The following ACOXL variants were observed in gnomAD, a reference collection of about 807,000 sequenced individuals.
The protein encoded by ACOXL is acyl-CoA oxidase like, also known as acyl-coenzyme A oxidase-like protein.
ACOXL carries 70 observed loss-of-function variants against 71.9 expected under a neutral mutation model. That is an observed-to-expected ratio of 0.97 (90% CI 0.80 to 1.19). The LOEUF (loss-of-function observed/expected upper bound fraction) is 1.19. ACOXL is among the 50% of genes most tolerant of loss of function. The pLI, the probability that ACOXL is intolerant of heterozygous loss-of-function variation, is 0.00. For missense variants in ACOXL, 703 were observed against 736.3 expected (o/e 0.95, Z 0.52); for synonymous variants, 253 against 281.6 (o/e 0.90, Z 1.02).
chr2:110,781,890 A>G (rs552970387), intron 2 of ACOXL, among the ~76,000 whole-genome samples: 2 of 152,316 alleles, frequency 1.3e-5, no homozygotes, highest in Admixed American at 1.3e-4. Context: ...CTGTGAAAAC[A>G]TACATTTTTT....
At chr2:111,009,906 A>G (rs1433488828) in intron 14 of ACOXL, among the ~76,000 whole-genome samples, 1 of 152,236 alleles carries the variant, frequency 6.6e-6, no homozygotes, top group Admixed American at 6.5e-5. Context: ...AGGCAAGCCA[A>G]AATATATTCT....
chr2:111,017,655 T>C (rs2064524187), intron 14 of ACOXL, among the ~76,000 whole-genome samples: 1 of 152,200 alleles, frequency 6.6e-6, no homozygotes, highest in African/African-American at 2.4e-5. Context: ...GGGGCAGTGC[T>C]AACTCCAGCC....
chr2:110,852,520 C>T (rs1340208020), intron 10 of ACOXL, among the ~76,000 whole-genome samples: 1 of 152,196 alleles, frequency 6.6e-6, no homozygotes, highest in Non-Finnish European at 1.5e-5. Flanking sequence ...AATCTGCCTC[C>T]CTCAGTCACC....
chr2:110,751,298 CAAAAAAAAA>C (rs765632647), intron 1 of ACOXL, among the ~76,000 whole-genome samples: 1 of 44,012 alleles, frequency 2.3e-5, no homozygotes, highest in Non-Finnish European at 5.3e-5. Flanking sequence ...GACTCCGTCT[CAAAAAAAAA>C]AAAAAAAAAA....
chr2:111,083,498 T>C (rs1285393123), intron 16 of ACOXL, among the ~76,000 whole-genome samples: 10 of 151,994 alleles, frequency 6.6e-5, no homozygotes, highest in Admixed American at 3.9e-4. Flanking sequence ...CCAACAATGA[T>C]GTGTGATAAC....
intron 11 of ACOXL, among the ~76,000 whole-genome samples, chr2:110,921,479 C>T (rs1033348801): frequency 5.4e-5 from 8 of 148,178 alleles, no homozygotes; most frequent in African/African-American, 2.0e-4. Flanking sequence ...TTGCAAGCTC[C>T]ACTTCCCGGG....
chr2:111,062,592 C>T (rs1414875358), intron 16 of ACOXL, among the ~76,000 whole-genome samples: 1 of 151,822 alleles, frequency 6.6e-6, no homozygotes, highest in Non-Finnish European at 1.5e-5. Context: ...AATTTAAAAA[C>T]CTCAAAAGAA....
At chr2:110,808,226 T>C (rs1405287468) in intron 9 of ACOXL, among the ~76,000 whole-genome samples, 3 of 152,096 alleles carry the variant, frequency 2.0e-5, no homozygotes, top group African/African-American at 7.2e-5. Context: ...GAGTGAGAAG[T>C]GTAAATGAGG....
chr2:110,987,137 C>T lies in ACOXL; in HGVS notation c.1089C>T (p.Tyr363=). The change falls in exon 13 of 18, where the codon TAC becomes TAT. Residue 363 remains tyrosine (Y), a synonymous_variant. Coordinates refer to ENST00000439055, the MANE Select transcript of ACOXL (RefSeq NM_001142807.4). ...TGGGGCGGGAACTGCTGGCCCAATA[C>T]ACCAAACAGTATGAAGAAAAACCAC... is the stretch of plus-strand genomic sequence containing the variant. ...MVVGRELLAQ[Y]TKQYEEKPLF... The T allele has an allele frequency of 1.3e-6, 2 of 1,575,108 alleles. No homozygotes were observed. Among genetic ancestry groups the T allele is most frequent in the Non-Finnish European group, 1.7e-6 (2 of 1,157,182 alleles).
intron 16 of ACOXL, among the ~76,000 whole-genome samples, chr2:111,090,967 T>C (rs1022759470): frequency 2.6e-5 from 4 of 152,158 alleles, no homozygotes; most frequent in Non-Finnish European, 5.9e-5. Flanking sequence ...TTTGGAGTCT[T>C]TGAAGAGGTC....
chr2:110,755,437 A>G (rs1334061239), intron 1 of ACOXL, among the ~76,000 whole-genome samples: 1 of 152,226 alleles, frequency 6.6e-6, no homozygotes, highest in African/African-American at 2.4e-5. Context: ...AACTACCAAG[A>G]TTGTTAAATG....
intron 13 of ACOXL, among the ~76,000 whole-genome samples, chr2:110,993,073 AC>A (rs1328054990): frequency 6.6e-6 from 1 of 152,206 alleles, no homozygotes; most frequent in East Asian, 1.9e-4. Flanking sequence ...TTCAAAATAA[AC>A]TGTAGACATC....
At position 111,026,738 on chromosome 2, in the gene ACOXL, GA is replaced by G. The variant is rs573866082; in HGVS notation, c.1282-4888del. 9.4e-4 allele frequency among the ~76,000 whole-genome samples: 143 copies of G among 152,224 alleles called. 1 individual carries two copies. Among genetic ancestry groups the G allele is most frequent in the African/African-American group, 3.3e-3 (137 of 41,536 alleles). On this transcript the variant is annotated intron_variant, in intron 14 of 17. Coordinates refer to ENST00000439055, the MANE Select transcript of ACOXL (RefSeq NM_001142807.4). ...AGATGGGCCTTGATTCAAATCCCAAGAGGGGGTTCTTGGATCATGTGCAGGA... is the reference window on the plus strand; with the variant it reads ...AGATGGGCCTTGATTCAAATCCCAAGGGGGGTTCTTGGATCATGTGCAGGA...
chr2:111,044,929 T>G (rs1276524962), intron 15 of ACOXL, among the ~76,000 whole-genome samples: 1 of 152,200 alleles, frequency 6.6e-6, no homozygotes, highest in Non-Finnish European at 1.5e-5. Context: ...TTCCTCTCCT[T>G]GATCCCCAAC....
intron 16 of ACOXL, among the ~76,000 whole-genome samples, chr2:111,085,659 A>G (rs1158872854): frequency 2.0e-5 from 3 of 152,098 alleles, no homozygotes; most frequent in African/African-American, 7.2e-5. Context: ...CAACATTACA[A>G]CTAGAGGAAC....
rs534328528 is a variant in ACOXL at position 111,104,152 on chromosome 2, TC to T, written c.1542+11187del. 5.3e-5 allele frequency among the ~76,000 whole-genome samples: 8 copies of T among 152,322 alleles called. No homozygotes were observed. The South Asian group carries it at 1.7e-3, about 32-fold the overall frequency. ...AGATTCATCCAGGTGGTCGCACATA[TC>T]AATGGTCTCTTCCTTTTTATCGCTA... On this transcript the variant is annotated intron_variant, in intron 17 of 17. Coordinates refer to ENST00000439055, the MANE Select transcript of ACOXL (RefSeq NM_001142807.4).
chr2:110,967,234 A>G, intron 12 of ACOXL, among the ~76,000 whole-genome samples: 1 of 152,370 alleles, frequency 6.6e-6, no homozygotes, highest in South Asian at 2.1e-4. Flanking sequence ...AATTAAAAAT[A>G]TAATGACTGA....
chr2:110,769,321 C>T (rs779067215), intron 2 of ACOXL, among the ~76,000 whole-genome samples: 2 of 151,948 alleles, frequency 1.3e-5, no homozygotes, highest in Non-Finnish European at 2.9e-5. Context: ...TGTATTTTAG[C>T]CAAGTTCATT....
chr2:110,991,007 G>C (rs553618053), intron 13 of ACOXL, among the ~76,000 whole-genome samples: 2 of 152,218 alleles, frequency 1.3e-5, no homozygotes, highest in East Asian at 1.9e-4. Flanking sequence ...AGTTATTTTG[G>C]GGGGAGTGGT....
Sources: gnomAD v4.1 joint callset for allele counts (sites outside exome capture counted in the v4.1 genomes callset) on GRCh38, gnomAD v4.1.1 for gene constraint, MANE v1.5 for transcripts, NCBI Gene and HGNC (gene_info 2026-07-23, HGNC 2026-07-21) for gene names.